The following MYCT1 variants were observed in gnomAD, a reference collection of about 807,000 sequenced individuals.
The protein encoded by MYCT1 is myc target protein 1.
MYCT1 carries 12 observed loss-of-function variants against 15.0 expected under a neutral mutation model. The ratio of observed to expected loss-of-function variants is 0.80; its 90% confidence interval spans 0.51 to 1.29. The LOEUF (loss-of-function observed/expected upper bound fraction) is 1.29, where lower values mean the gene tolerates loss of function less well. Ranked by LOEUF, MYCT1 falls within the 50% of genes most tolerant of loss-of-function variation. The pLI is 0.00. For synonymous variants in MYCT1, 104 were observed against 102.7 expected, an observed-to-expected ratio of 1.01 and a Z score of -0.07; for missense variants, 287 against 279.1, an observed-to-expected ratio of 1.03 and a Z score of -0.20.
the MYCT1 span, among the ~76,000 whole-genome samples, chr6:152,733,801 A>T: frequency 2.0e-5 from 3 of 152,182 alleles, no homozygotes; most frequent in Non-Finnish European, 4.4e-5. Context: ...TCTTAACAAG[A>T]TTCAGTTGCT....
chr6:152,717,939 T>C (rs956049527), intron 1 of MYCT1, among the ~76,000 whole-genome samples: 7 of 152,238 alleles, frequency 4.6e-5, no homozygotes, highest in African/African-American at 1.7e-4. Context: ...AAATAGCCTA[T>C]TATTGTGTGT....
the MYCT1 span, among the ~76,000 whole-genome samples, chr6:152,733,488 GTT>G: frequency 6.6e-6 from 1 of 152,218 alleles, no homozygotes; most frequent in East Asian, 1.9e-4. Flanking sequence ...AAATCAAACA[GTT>G]GCTGCTGACT....
chr6:152,704,714 G>A (rs1356051915), intron 1 of MYCT1, among the ~76,000 whole-genome samples: 1 of 151,992 alleles, frequency 6.6e-6, no homozygotes, highest in East Asian at 1.9e-4. Flanking sequence ...CTCACTCCCA[G>A]GCTTTATTGA....
chr6:152,725,373 A>G (rs2099725476), downstream of MYCT1, among the ~76,000 whole-genome samples: 6 of 152,234 alleles, frequency 3.9e-5, no homozygotes, highest in Admixed American at 3.9e-4. Context: ...GTGGTAAAAT[A>G]CTGCATGTTA....
At chr6:152,726,151 C>T (rs1481449667), downstream of MYCT1, among the ~76,000 whole-genome samples, 1 of 152,150 alleles carries the variant, frequency 6.6e-6, no homozygotes, top group Non-Finnish European at 1.5e-5. Flanking sequence ...AATCCCAGCA[C>T]TTTGGGAGGC....
chr6:152,727,322 T>A (rs1010428879), downstream of MYCT1, among the ~76,000 whole-genome samples: 4 of 152,180 alleles, frequency 2.6e-5, no homozygotes, highest in Non-Finnish European at 5.9e-5. Context: ...GCAAAAAATA[T>A]TTGTCCAGGG....
At chr6:152,701,221 G>C (rs1183136989) in intron 1 of MYCT1, among the ~76,000 whole-genome samples, 1 of 152,114 alleles carries the variant, frequency 6.6e-6, no homozygotes, top group Non-Finnish European at 1.5e-5. Context: ...CAGTTCATTA[G>C]TTCACTCAGA....
At chr6:152,704,815 AG>A (rs1331945230) in intron 1 of MYCT1, among the ~76,000 whole-genome samples, 1 of 152,190 alleles carries the variant, frequency 6.6e-6, no homozygotes, top group Admixed American at 6.6e-5. Context: ...ACCACAATCA[AG>A]CTAATTAATA....
the MYCT1 span, among the ~76,000 whole-genome samples, chr6:152,743,051 T>C: frequency 6.6e-6 from 1 of 152,080 alleles, no homozygotes; most frequent in African/African-American, 2.4e-5. Flanking sequence ...GATTATTTTG[T>C]AGTTGTTGTT....
the MYCT1 span, among the ~76,000 whole-genome samples, chr6:152,735,714 A>G: frequency 6.6e-6 from 1 of 152,124 alleles, no homozygotes; most frequent in Non-Finnish European, 1.5e-5. Flanking sequence ...TAAATTTTCT[A>G]AAGTATTATA....
chr6:152,704,028 C>T (rs1304534301), intron 1 of MYCT1, among the ~76,000 whole-genome samples: 2 of 147,948 alleles, frequency 1.4e-5, no homozygotes, highest in Non-Finnish European at 3.0e-5. Context: ...GACAGGGTCT[C>T]ACTCTGCCAC....
downstream of MYCT1, among the ~76,000 whole-genome samples, chr6:152,724,810 A>G (rs1481324070): frequency 2.0e-5 from 3 of 152,014 alleles, no homozygotes; most frequent in African/African-American, 7.2e-5. Context: ...TCATATAAAA[A>G]TGTATAATGG....
At chr6:152,729,164 T>C (rs2099726149), downstream of MYCT1, among the ~76,000 whole-genome samples, 1 of 152,152 alleles carries the variant, frequency 6.6e-6, no homozygotes, top group African/African-American at 2.4e-5. Context: ...ACTCTAACAA[T>C]ATCTGAAAAC....
At chr6:152,719,552 A>G (rs565004396) in intron 1 of MYCT1, among the ~76,000 whole-genome samples, 1 of 152,332 alleles carries the variant, frequency 6.6e-6, no homozygotes, top group Admixed American at 6.5e-5. Flanking sequence ...ACACTAAAAA[A>G]TGTGCCTGGG....
the MYCT1 span, among the ~76,000 whole-genome samples, chr6:152,746,981 G>A: frequency 2.6e-5 from 4 of 151,860 alleles, no homozygotes; most frequent in East Asian, 1.9e-4. Flanking sequence ...TTTAGATTCC[G>A]AAATGAATTC....
At chr6:152,742,058 C>T in the MYCT1 span, among the ~76,000 whole-genome samples, 1 of 152,168 alleles carries the variant, frequency 6.6e-6, no homozygotes, top group African/African-American at 2.4e-5. Flanking sequence ...ACTCGCTCAT[C>T]TGAAATAGTT....
the MYCT1 span, among the ~76,000 whole-genome samples, chr6:152,731,620 G>A: frequency 2.0e-5 from 3 of 152,020 alleles, no homozygotes; most frequent in Non-Finnish European, 4.4e-5. Context: ...AACATGCGGT[G>A]TTTGGTTTTC....
intron 1 of MYCT1, among the ~76,000 whole-genome samples, chr6:152,716,955 T>C (rs2099723787): frequency 6.6e-6 from 1 of 152,220 alleles, no homozygotes; most frequent in African/African-American, 2.4e-5. Context: ...ATATCATTTT[T>C]TAAAAAGTAA....
the MYCT1 span, among the ~76,000 whole-genome samples, chr6:152,741,963 GA>G: frequency 1.3e-5 from 2 of 152,112 alleles, no homozygotes; most frequent in African/African-American, 4.8e-5. Flanking sequence ...CCAAAGAACT[GA>G]AAACTAAAAC....
Sources: allele counts gnomAD v4.1 joint callset (sites outside exome capture counted in the v4.1 genomes callset), GRCh38; gene constraint gnomAD v4.1.1; transcripts MANE v1.5; gene names NCBI Gene and HGNC (gene_info 2026-07-23, HGNC 2026-07-21).